SCUBE1: variants seen among roughly 807,000 people sequenced by gnomAD.
SCUBE1 encodes signal peptide, CUB domain and EGF like domain containing 1, also known as signal peptide, CUB and EGF-like domain-containing protein 1.
A neutral mutation model predicts 124.4 loss-of-function variants in SCUBE1; 59 were observed. That is an observed-to-expected ratio of 0.47 (90% CI 0.38 to 0.59). The LOEUF is 0.59. Among genes scored for constraint, SCUBE1 ranks in the 20% least tolerant of loss-of-function variants. The probability of loss-of-function intolerance (pLI) is 0.00; values close to 1 mark genes in which losing one functional copy is unlikely to be tolerated. For missense variants in SCUBE1, 1,150 were observed against 1,371.2 expected (o/e 0.84, Z 2.55); for synonymous variants, 545 against 550.9 (o/e 0.99, Z 0.15).
At chr22:43,316,260 G>T (rs1404202849) in intron 3 of SCUBE1, among the ~76,000 whole-genome samples, 1 of 152,188 alleles carries the variant, frequency 6.6e-6, no homozygotes, top group East Asian at 1.9e-4. Context: ...ACTGGCCAAA[G>T]GTCACACAGC....
rs749607993 is a variant in SCUBE1 at position 43,203,988 on chromosome 22, T to TC, written c.*8dup. 6.2e-7 allele frequency: 1 copy of TC among 1,613,330 alleles called. No homozygotes were observed. Among genetic ancestry groups the TC allele is most frequent in the South Asian group, 1.1e-5 (1 of 91,042 alleles). Reference sequence around the variant, plus strand: ...CCAGGCCACCCCCAGGCAGGGCCGCTCCCCCCGGTTATTTGTAGGGCCGCA... The same window carrying TC: ...CCAGGCCACCCCCAGGCAGGGCCGCTCCCCCCCGGTTATTTGTAGGGCCGCA... On this transcript the variant is annotated 3_prime_UTR_variant, in exon 22 of 22. Coordinates refer to ENST00000360835, the MANE Select transcript of SCUBE1 (RefSeq NM_173050.5).
chr22:43,212,354 G>A (rs1921600687), intron 17 of SCUBE1, 71 bp downstream of exon 17: 5 of 1,475,366 alleles, frequency 3.4e-6, no homozygotes, highest in South Asian at 2.5e-5. Context: ...AGAGGGGTTC[G>A]GGGAAGCCTC....
intron 14 of SCUBE1, among the ~76,000 whole-genome samples, chr22:43,219,357 A>G (rs1312357867): frequency 6.6e-6 from 1 of 152,226 alleles, no homozygotes; most frequent in African/African-American, 2.4e-5. Context: ...AGGCCTCGCC[A>G]GGCAGATGCT....
chr22:43,311,143 T>A (rs569785487), intron 3 of SCUBE1, among the ~76,000 whole-genome samples: 2 of 152,222 alleles, frequency 1.3e-5, no homozygotes, highest in Non-Finnish European at 2.9e-5. Context: ...TACCCAATGC[T>A]GTCACCCTGC....
chr22:43,222,578 G>A (rs2146669523), intron 12 of SCUBE1, 60 bp downstream of exon 12: 19 of 1,295,712 alleles, frequency 1.5e-5, no homozygotes, highest in East Asian at 2.5e-5. Context: ...CCGCCAGCAT[G>A]TTGCTGGATG....
intron 21 of SCUBE1, among the ~76,000 whole-genome samples, chr22:43,204,893 G>A (rs1489648904): frequency 1.3e-5 from 2 of 150,986 alleles, no homozygotes; most frequent in Middle Eastern, 3.4e-3. Context: ...GCAGTGAGCC[G>A]AGAGTGTGCC....
At chr22:43,267,649 T>C (rs1924125891) in intron 4 of SCUBE1, among the ~76,000 whole-genome samples, 1 of 152,056 alleles carries the variant, frequency 6.6e-6, no homozygotes, top group Non-Finnish European at 1.5e-5. Flanking sequence ...ACCAGACAGA[T>C]AAAGCAACAG....
At chr22:43,228,845 C>T (rs1398506766) in intron 9 of SCUBE1, among the ~76,000 whole-genome samples, 1 of 152,264 alleles carries the variant, frequency 6.6e-6, no homozygotes, top group South Asian at 2.1e-4. Flanking sequence ...CTGGCACTGG[C>T]AGAGACCTGC....
chr22:43,276,404 C>T (rs754297149), intron 4 of SCUBE1, among the ~76,000 whole-genome samples: 9 of 152,248 alleles, frequency 5.9e-5, no homozygotes, highest in East Asian at 5.8e-4. Flanking sequence ...GCCACCAGGC[C>T]GGGAGACAAA....
intron 15 of SCUBE1, among the ~76,000 whole-genome samples, chr22:43,215,496 A>T (rs910696426): frequency 4.6e-5 from 7 of 152,226 alleles, no homozygotes; most frequent in African/African-American, 1.7e-4. Context: ...ATATTGGTCC[A>T]AACTCAGAAA....
chr22:43,227,934 G>C (rs971690615), intron 9 of SCUBE1, among the ~76,000 whole-genome samples: 5 of 152,160 alleles, frequency 3.3e-5, no homozygotes, highest in African/African-American at 1.2e-4. Flanking sequence ...CACCGCTAAG[G>C]CCTTTCCTCC....
intron 4 of SCUBE1, among the ~76,000 whole-genome samples, chr22:43,266,686 A>T (rs1924080059): frequency 6.6e-6 from 1 of 152,168 alleles, no homozygotes; most frequent in Non-Finnish European, 1.5e-5. Context: ...CACCTGTGGG[A>T]CCCAGATGGC....
chr22:43,276,217 T>G (rs974930629), intron 4 of SCUBE1, among the ~76,000 whole-genome samples: 2 of 152,146 alleles, frequency 1.3e-5, no homozygotes, highest in Non-Finnish European at 2.9e-5. Flanking sequence ...GGACAGTTGG[T>G]ACTGGGGTCA....
At chr22:43,301,763 T>C (rs1925780791) in intron 3 of SCUBE1, among the ~76,000 whole-genome samples, 1 of 152,178 alleles carries the variant, frequency 6.6e-6, no homozygotes, top group South Asian at 2.1e-4. Flanking sequence ...CATCACAGTA[T>C]CCCAGGGTTT....
chr22:43,229,041 G>A (rs2146676675), intron 9 of SCUBE1, 31 bp downstream of exon 9: 1 of 1,516,728 alleles, frequency 6.6e-7, no homozygotes, highest in East Asian at 2.3e-5. Flanking sequence ...TGCCTCGGGG[G>A]GGAGGTGGCC....
chr22:43,309,121 C>T (rs1487933310), intron 3 of SCUBE1, among the ~76,000 whole-genome samples: 1 of 152,072 alleles, frequency 6.6e-6, no homozygotes, highest in African/African-American at 2.4e-5. Context: ...AGGCTCGCCC[C>T]CTGCACCTTC....
intron 4 of SCUBE1, among the ~76,000 whole-genome samples, chr22:43,290,543 C>T (rs745621968): frequency 3.9e-5 from 6 of 152,254 alleles, no homozygotes; most frequent in Non-Finnish European, 7.3e-5. Flanking sequence ...TGCACCTCCC[C>T]AGGCTGGCCT....
At chr22:43,337,086 G>A (rs1447666256) in intron 2 of SCUBE1, among the ~76,000 whole-genome samples, 4 of 152,138 alleles carry the variant, frequency 2.6e-5, no homozygotes, top group Non-Finnish European at 5.9e-5. Flanking sequence ...GGCAGTTCCC[G>A]AAGCACATTC....
intron 21 of SCUBE1, among the ~76,000 whole-genome samples, chr22:43,204,567 G>A (rs1170577991): frequency 2.6e-5 from 4 of 151,914 alleles, no homozygotes; most frequent in Non-Finnish European, 5.9e-5. Context: ...CCAAAGTGCT[G>A]GGATTACAGG....
Sources: gnomAD v4.1 joint callset for allele counts (sites outside exome capture counted in the v4.1 genomes callset) on GRCh38, gnomAD v4.1.1 for gene constraint, MANE v1.5 for transcripts, NCBI Gene and HGNC (gene_info 2026-07-23, HGNC 2026-07-21) for gene names.